ZNF609: variants seen among roughly 807,000 people sequenced by gnomAD.
The protein encoded by ZNF609 is zinc finger protein 609.
ZNF609 carries 11 observed loss-of-function variants against 109.5 expected under a neutral mutation model. That is an observed-to-expected ratio of 0.10 (90% confidence interval 0.06 to 0.17). The LOEUF (loss-of-function observed/expected upper bound fraction) is 0.17. Among genes scored for constraint, ZNF609 ranks in the 10% least tolerant of loss-of-function variants. ZNF609 has a pLI of 1.00. For missense variants in ZNF609, 1,559 were observed against 1,772.4 expected, an observed-to-expected ratio of 0.88 and a Z score of 2.16; for synonymous variants, 646 against 662.0, an observed-to-expected ratio of 0.98 and a Z score of 0.37.
chr15:64,634,412 T>C (rs533230993), intron 3 of ZNF609, among the ~76,000 whole-genome samples: 99 of 152,316 alleles, frequency 6.5e-4, no homozygotes, highest in African/African-American at 2.3e-3. Flanking sequence ...AGCTGTGGGC[T>C]TTTATCCTTT....
At chr15:64,648,896 G>A (rs193245539) in intron 3 of ZNF609, among the ~76,000 whole-genome samples, 9 of 152,142 alleles carry the variant, frequency 5.9e-5, no homozygotes, top group Admixed American at 5.2e-4. Context: ...TCTTACTTTA[G>A]TGGCCAGATT....
At position 64,642,107 on chromosome 15, in the gene ZNF609, G is replaced by C. The variant is rs1017892652; in HGVS notation, c.973+19055G>C. ...ATTTGGTAGGGCATGAGTATTTATA[G>C]CATGGCAAAAGCATTCTCTCTAATA... On this transcript the variant is annotated intron_variant, in intron 3 of 9. Coordinates refer to ENST00000326648, the MANE Select transcript of ZNF609 (RefSeq NM_015042.2). Among the ~76,000 whole-genome samples the C allele has an allele frequency of 6.6e-5, 10 of 152,174 alleles. No homozygotes were observed. The East Asian group carries it at 1.7e-3, about 26-fold the overall frequency.
intron 2 of ZNF609, among the ~76,000 whole-genome samples, chr15:64,585,837 T>C (rs928366622): frequency 5.3e-5 from 8 of 152,182 alleles, no homozygotes; most frequent in African/African-American, 1.7e-4. Flanking sequence ...TTTTTACTTT[T>C]TGTTTTTTTG....
chr15:64,499,290 C>T lies in ZNF609; in HGVS notation c.-127-3C>T. 1 of 1,248,712 alleles carries T rather than the reference C, an allele frequency of 8.0e-7. No homozygotes were observed. The highest frequency in any genetic ancestry group is 1.1e-6 in the Non-Finnish European group (1 of 912,032). The allele number at this position is 1,248,712 out of a possible 1,614,324, so 77.4% of individuals were successfully genotyped here. On this transcript the variant is annotated splice_polypyrimidine_tract_variant and splice_region_variant and intron_variant, in intron 1 of 9. Coordinates refer to ENST00000326648, the MANE Select transcript of ZNF609 (RefSeq NM_015042.2). ...AACAGCTTTTTAAATTTTCTTTTTCCAGCAATGATGTTGTCCACTGGGCAT... is the reference window on the plus strand; with the variant it reads ...AACAGCTTTTTAAATTTTCTTTTTCTAGCAATGATGTTGTCCACTGGGCAT...
intron 1 of ZNF609, among the ~76,000 whole-genome samples, chr15:64,489,337 C>T (rs931897705): frequency 1.3e-5 from 2 of 151,668 alleles, no homozygotes; most frequent in African/African-American, 4.8e-5. Context: ...AGGCACCTGC[C>T]ACCGCGCCCG....
chr15:64,463,181 G>C (rs1892966463), intron 1 of ZNF609, among the ~76,000 whole-genome samples: 1 of 152,126 alleles, frequency 6.6e-6, no homozygotes, highest in South Asian at 2.1e-4. Flanking sequence ...GATCGCTTGA[G>C]TTCAGGAGTT....
intron 2 of ZNF609, among the ~76,000 whole-genome samples, chr15:64,540,551 C>T (rs1250957764): frequency 1.3e-5 from 2 of 151,630 alleles, no homozygotes; most frequent in Admixed American, 6.6e-5. Context: ...ACTACAGGTG[C>T]GTGCCACTGT....
At chr15:64,460,570 G>T (rs1892921571), upstream of ZNF609, among the ~76,000 whole-genome samples, 1 of 152,084 alleles carries the variant, frequency 6.6e-6, no homozygotes, top group Non-Finnish European at 1.5e-5. Context: ...CGTCTTCCGG[G>T]TGACTCTGGT....
chr15:64,614,950 C>G (rs1895776057), intron 2 of ZNF609, among the ~76,000 whole-genome samples: 1 of 151,240 alleles, frequency 6.6e-6, no homozygotes, highest in Non-Finnish European at 1.5e-5. Context: ...TCCTGAGTAG[C>G]TGGGATTGCA....
intron 2 of ZNF609, among the ~76,000 whole-genome samples, chr15:64,508,816 T>G (rs958089161): frequency 1.3e-5 from 2 of 150,892 alleles, no homozygotes; most frequent in African/African-American, 4.9e-5. Flanking sequence ...ACTTCCTACC[T>G]CCCCAGTAGC....
intron 3 of ZNF609, among the ~76,000 whole-genome samples, chr15:64,634,396 G>A (rs2140985672): frequency 6.6e-6 from 1 of 152,288 alleles, no homozygotes; most frequent in Non-Finnish European, 1.5e-5. Context: ...TCTGATTGCA[G>A]ATCCCAGCTG....
chr15:64,499,946 G>A lies in ZNF609; in HGVS notation c.527G>A (p.Gly176Glu). The A allele has an allele frequency of 6.2e-7, 1 of 1,614,062 alleles. No individual in the cohort carries two copies. The highest frequency in any genetic ancestry group is 1.3e-5 in the African/African-American group (1 of 75,016). Residue 176 changes from glycine to glutamate, a missense_variant, in exon 2 of 10, where the codon GGG (glycine) becomes GAG (glutamate). Transcript: ENST00000326648. ...AAGAAGGAGAGAAGCGAAGGAGTGG[G>A]GACTTGTTCAGAAAAGGATCCTGGG... ...KSKKERSEGV[G>E]TCSEKDPGVL... is the part of the protein sequence containing the mutation.
At chr15:64,651,143 T>C (rs1896410240) in intron 3 of ZNF609, among the ~76,000 whole-genome samples, 1 of 152,162 alleles carries the variant, frequency 6.6e-6, no homozygotes, top group African/African-American at 2.4e-5. Context: ...ATCTTAACTT[T>C]ATGTAAGCCT....
At chr15:64,536,807 G>T (rs1369667830) in intron 2 of ZNF609, among the ~76,000 whole-genome samples, 1 of 151,730 alleles carries the variant, frequency 6.6e-6, no homozygotes, top group East Asian at 1.9e-4. Flanking sequence ...CTACTCTGGG[G>T]GCTGAGGTGC....
chr15:64,616,514 CTTTTTTTTTTTT>C (rs56145140), intron 2 of ZNF609, among the ~76,000 whole-genome samples: 2 of 66,918 alleles, frequency 3.0e-5, no homozygotes, highest in Non-Finnish European at 5.6e-5. Context: ...AAACTGATAT[CTTTTTTTTTTTT>C]TTTTTTTTTT....
intron 1 of ZNF609, among the ~76,000 whole-genome samples, chr15:64,492,578 C>T (rs1415633159): frequency 1.3e-5 from 2 of 152,054 alleles, no homozygotes; most frequent in Non-Finnish European, 1.5e-5. Flanking sequence ...GATGGAGTCT[C>T]GCTGTGTTGC....
intron 2 of ZNF609, among the ~76,000 whole-genome samples, chr15:64,604,181 A>C (rs648397): frequency 0.96 from 145,564 of 152,168 alleles, 69,866 homozygotes; most frequent in East Asian, 1. Flanking sequence ...TTATATTTCT[A>C]ACTTAGTATA....
intron 3 of ZNF609, among the ~76,000 whole-genome samples, chr15:64,642,762 C>G (rs577992861): frequency 7.9e-5 from 12 of 152,288 alleles, no homozygotes; most frequent in East Asian, 7.7e-4. Flanking sequence ...CCACTGCACT[C>G]TAGCCTGGGT....
chr15:64,677,495 G>A (rs1033539528), intron 5 of ZNF609, among the ~76,000 whole-genome samples: 17 of 152,152 alleles, frequency 1.1e-4, no homozygotes, highest in Admixed American at 1.3e-4. Context: ...TTCCTTGTCC[G>A]TGTTTCCTCC....
Sources: gnomAD v4.1 joint callset for allele counts (sites outside exome capture counted in the v4.1 genomes callset) on GRCh38, gnomAD v4.1.1 for gene constraint, MANE v1.5 for transcripts, NCBI Gene and HGNC (gene_info 2026-07-23, HGNC 2026-07-21) for gene names.